Variants in QARS1 observed in about 807,000 individuals in gnomAD.
The protein encoded by QARS1 is glutamine--tRNA ligase.
Under a neutral mutation model 106.9 loss-of-function variants are expected in QARS1, and 79 were observed. The observed-to-expected ratio is 0.74, with a 90% CI of 0.62 to 0.89. QARS1 has a LOEUF of 0.89. Ranked by LOEUF, QARS1 falls within the 40% of genes least tolerant of loss-of-function variation. The probability of loss-of-function intolerance (pLI) is 0.00; values close to 1 mark genes in which losing one functional copy is unlikely to be tolerated. For synonymous variants in QARS1, 395 were observed against 367.7 expected (o/e 1.07, Z -0.85); for missense variants, 966 against 997.2 (o/e 0.97, Z 0.42).
intron 23 of QARS1, among the ~76,000 whole-genome samples, chr3:49,097,460 C>T (rs1487332959): frequency 6.7e-6 from 1 of 148,820 alleles, no homozygotes; most frequent in Non-Finnish European, 1.5e-5. Context: ...GCTGGGATTA[C>T]AAGTGTGAGC....
chr3:49,102,279 C>A lies in QARS1; in HGVS notation c.571-14G>T. On this transcript the variant is annotated splice_polypyrimidine_tract_variant and intron_variant, in intron 6 of 23. Transcript: ENST00000306125. ...AGCTTTTGCCACCTGAAAGAAGCCC[C>A]AGGTGCTTCAGAAAATGGCATCAAA... 6.2e-7 allele frequency: 1 copy of A among 1,614,228 alleles called. No homozygotes were observed. The highest frequency in any genetic ancestry group is 8.5e-7 in the Non-Finnish European group (1 of 1,180,046).
Position 49,096,198 on chromosome 3 carries a change from C to CT in QARS1, c.2278-120dup, listed in dbSNP as rs1428171457. 5 of 1,091,622 alleles carry CT rather than the reference C, an allele frequency of 4.6e-6. No homozygotes were observed. The African/African-American group carries it at 7.8e-5, about 17-fold the overall frequency. 67.6% of individuals were successfully genotyped at this position (1,091,622 alleles called of 1,614,324 possible). ...TTCTTAAGCCAAAGAAGCCGAGGGA[C>CT]TAAGGGTCAGGAGGCCCGGGTCCTC... On this transcript the variant is annotated intron_variant, in intron 23 of 23. Transcript: ENST00000306125.
At position 49,104,682 on chromosome 3, in the gene QARS1, G is replaced by A; in HGVS notation, c.52C>T (p.Gln18Ter). 1 of 1,611,078 alleles carries A rather than the reference G, an allele frequency of 6.2e-7. No homozygotes were observed. The highest frequency in any genetic ancestry group is 8.5e-7 in the Non-Finnish European group (1 of 1,178,008). ...TTCTTGAGCGTCTCGCGGGCCTTCT[G>A]CTCGCTCAGGCCGAGGCTAGTGAAG... The part of the protein sequence containing the change: ...SLFTSLGLSE[Q>*]KARETLKNSA... Residue 18 changes from glutamine (Q) to a stop codon, truncating the protein, a stop_gained, in exon 1 of 24, where the codon CAG (glutamine) becomes TAG (stop). Transcript: ENST00000306125. LOFTEE classifies it high-confidence loss of function.
chr3:49,103,881 T>TGGGGTC lies in QARS1; in HGVS notation c.351_356dup (p.Thr118_Pro119dup). 1 of 1,614,070 alleles carries TGGGGTC rather than the reference T, an allele frequency of 6.2e-7. No homozygotes were observed. On this transcript the variant is annotated inframe_insertion, in exon 3 of 24. Coordinates refer to ENST00000306125, the MANE Select transcript of QARS1 (RefSeq NM_005051.3). ...GACTCACAGCCTCCTCAATCTGCTCTGGGGTCACAATGACACCCACGCCAC... is the reference window on the plus strand; with the variant it reads ...GACTCACAGCCTCCTCAATCTGCTCTGGGGTCGGGGTCACAATGACACCCACGCCAC...
chr3:49,101,489 G>A (rs1053896976), intron 9 of QARS1, 48 bp from the exon 10 acceptor site: 6 of 1,582,246 alleles, frequency 3.8e-6, no homozygotes, highest in Non-Finnish European at 4.3e-6. Context: ...GAGCTCAGAT[G>A]ACCTTAAAGA....
At position 49,103,622 on chromosome 3, in the gene QARS1, C is replaced by T. The variant is rs907788213; in HGVS notation, c.451+9G>A. 26 of 1,612,696 alleles carry T rather than the reference C, an allele frequency of 1.6e-5. No homozygotes were observed. Among genetic ancestry groups the T allele is most frequent in the Non-Finnish European group, 2.1e-5 (25 of 1,179,432 alleles). On this transcript the variant is annotated intron_variant, in intron 4 of 23. Transcript: ENST00000306125. Reference sequence around the variant, plus strand: ...AGAACAATATAGCCCCGTTCCAGGCCCTGCTCACCCATCAGCAGCCCCATG... The same window carrying T: ...AGAACAATATAGCCCCGTTCCAGGCTCTGCTCACCCATCAGCAGCCCCATG...
At chr3:49,099,074 C>T in intron 18 of QARS1, 36 bp downstream of exon 18, 1 of 1,614,052 alleles carries the variant, frequency 6.2e-7, no homozygotes. Context: ...CCCAGCTACA[C>T]ACACACATGT....
chr3:49,102,770 G>A (rs1455021278), intron 5 of QARS1: 11 of 456,460 alleles, frequency 2.4e-5, no homozygotes, highest in Non-Finnish European at 4.6e-5. Context: ...GCCCTTCTGA[G>A]TACCTGGGAC....
Position 49,103,621 on chromosome 3 carries a change from C to T in QARS1, c.451+10G>A, listed in dbSNP as rs770988889. Reference sequence around the variant, plus strand: ...GAGAACAATATAGCCCCGTTCCAGGCCCTGCTCACCCATCAGCAGCCCCAT... The same window carrying T: ...GAGAACAATATAGCCCCGTTCCAGGTCCTGCTCACCCATCAGCAGCCCCAT... On this transcript the variant is annotated intron_variant, in intron 4 of 23. Transcript: ENST00000306125. 5.6e-6 allele frequency: 9 copies of T among 1,612,526 alleles called. 1 individual carries two copies. The highest frequency in any genetic ancestry group is 2.7e-5 in the African/African-American group (2 of 74,872).
At chr3:49,097,918 G>A (rs2107094261) in intron 23 of QARS1, 74 bp downstream of exon 23, 2 of 1,585,984 alleles carry the variant, frequency 1.3e-6, no homozygotes, top group East Asian at 2.2e-5. Flanking sequence ...GGGAATGTAT[G>A]CAGAGCACTT....
At chr3:49,097,513 G>T (rs2042407659) in intron 23 of QARS1, among the ~76,000 whole-genome samples, 1 of 149,640 alleles carries the variant, frequency 6.7e-6, no homozygotes, top group African/African-American at 2.4e-5. Context: ...AAAAAAAAAA[G>T]AGGTCGGGTG....
chr3:49,102,649 C>G (rs1467434435), intron 5 of QARS1, 177 bp from the exon 6 acceptor site: 1 of 683,670 alleles, frequency 1.5e-6, no homozygotes, highest in Non-Finnish European at 2.6e-6. Flanking sequence ...TGCTCTTGCT[C>G]TTGTTGCCCA....
intron 8 of QARS1, 55 bp from the exon 9 acceptor site, chr3:49,101,760 C>A (rs1390603609): frequency 5.6e-6 from 9 of 1,611,200 alleles, no homozygotes; most frequent in Non-Finnish European, 6.8e-6. Context: ...CCTCTGACCC[C>A]AGGGGCCTGA....
intron 11 of QARS1, 29 bp downstream of exon 11, chr3:49,100,546 A>G: frequency 6.3e-7 from 1 of 1,590,802 alleles, no homozygotes; most frequent in East Asian, 2.2e-5. Context: ...ACTAACCACC[A>G]GCCCTTCTAG....
intron 23 of QARS1, 72 bp downstream of exon 23, chr3:49,097,920 A>G: frequency 6.3e-7 from 1 of 1,591,566 alleles, no homozygotes; most frequent in South Asian, 1.1e-5. Flanking sequence ...GAATGTATGC[A>G]GAGCACTTGG....
At chr3:49,102,710 C>T (rs2042487252) in intron 5 of QARS1, 1 of 598,552 alleles carries the variant, frequency 1.7e-6, no homozygotes. Context: ...GGCACAGTCT[C>T]CGCTCACTGC....
At position 49,104,325 on chromosome 3, in the gene QARS1, G is replaced by T. The variant is rs1483058377; in HGVS notation, c.264C>A (p.Ser88Arg). 1 of 1,614,062 alleles carries T rather than the reference G, an allele frequency of 6.2e-7. No individual in the cohort carries two copies. The highest frequency in any genetic ancestry group is 1.1e-5 in the South Asian group (1 of 91,074). The change falls in exon 2 of 24, where the codon AGC becomes AGA. Residue 88 changes from serine to arginine, a missense_variant and splice_region_variant. By Grantham distance (110) the Ser-to-Arg change is moderately radical. Coordinates refer to ENST00000306125, the MANE Select transcript of QARS1 (RefSeq NM_005051.3). ...TGGCAGGACAGGTAGGGGTCTCACCGCTTAGCTGGGGCTCAGTGTGGATCT... is the reference window on the plus strand; with the variant it reads ...TGGCAGGACAGGTAGGGGTCTCACCTCTTAGCTGGGGCTCAGTGTGGATCT... ...SKKIHTEPQL[S>R]AALEYVRSHP...
intron 21 of QARS1, 27 bp downstream of exon 21, chr3:49,098,325 TG>T (rs767673089): frequency 6.2e-7 from 1 of 1,614,198 alleles, no homozygotes; most frequent in Non-Finnish European, 8.5e-7. Flanking sequence ...ATCTTGTACC[TG>T]CCCCCACCCC....
chr3:49,097,450 G>T (rs2042407007), intron 23 of QARS1, among the ~76,000 whole-genome samples: 1 of 151,282 alleles, frequency 6.6e-6, no homozygotes, highest in Non-Finnish European at 1.5e-5. Context: ...CTCCCAAAGT[G>T]CTGGGATTAC....
Sources: gnomAD v4.1 joint callset for allele counts (sites outside exome capture counted in the v4.1 genomes callset) on GRCh38, gnomAD v4.1.1 for gene constraint, MANE v1.5 for transcripts, NCBI Gene and HGNC (gene_info 2026-07-23, HGNC 2026-07-21) for gene names.